Variants in EXT2 observed in about 807,000 individuals in gnomAD.
The protein encoded by EXT2 is exostosin glycosyltransferase 2.
A neutral mutation model predicts 81.6 loss-of-function variants in EXT2; 53 were observed. That is an observed-to-expected ratio of 0.65 (90% CI 0.52 to 0.82). EXT2 has a LOEUF of 0.82. Ranked by LOEUF, EXT2 falls within the 40% of genes least tolerant of loss-of-function variation. The pLI is 0.00. For missense variants in EXT2, 774 were observed against 910.2 expected (o/e 0.85, Z 1.93); for synonymous variants, 320 against 340.0 (o/e 0.94, Z 0.65).
rs1321182257 is a variant in EXT2, at chr11:44,251,721, A to G, written c.*7434A>G. 6.6e-6 allele frequency among the ~76,000 whole-genome samples: 1 copy of G among 152,172 alleles called. No homozygotes were observed. The highest frequency in any genetic ancestry group is 1.5e-5 in the Non-Finnish European group (1 of 68,008). On this transcript the variant is annotated 3_prime_UTR_variant, in exon 14 of 14. Transcript: ENST00000533608. ...AATTTTCATTTATGTTTTTAAGTCT[A>G]TTGTCTTAAAAAGATTCTTTTCCCT... is the stretch of plus-strand genomic sequence containing the variant.
intron 8 of EXT2, among the ~76,000 whole-genome samples, chr11:44,176,231 T>C (rs1447233190): frequency 6.6e-6 from 1 of 152,214 alleles, no homozygotes; most frequent in Non-Finnish European, 1.5e-5. Context: ...CTTTATCCTA[T>C]ACTTTTATCT....
chr11:44,240,412 CA>C (rs1956023291), intron 13 of EXT2, among the ~76,000 whole-genome samples: 1 of 152,086 alleles, frequency 6.6e-6, no homozygotes, highest in African/African-American at 2.4e-5. Context: ...AAATAATAGC[CA>C]GGGGTGGTGG....
At chr11:44,205,421 G>C (rs1366309555) in intron 9 of EXT2, among the ~76,000 whole-genome samples, 2 of 152,216 alleles carry the variant, frequency 1.3e-5, no homozygotes, top group East Asian at 3.8e-4. Flanking sequence ...AACTATAACT[G>C]TTGATATTGA....
At chr11:44,147,668 C>T (rs1405380923) in intron 7 of EXT2, among the ~76,000 whole-genome samples, 2 of 151,578 alleles carry the variant, frequency 1.3e-5, no homozygotes, top group African/African-American at 4.8e-5. Context: ...TCACGCCATT[C>T]TCCTGCCTCA....
chr11:44,120,668 C>T (rs150061655), intron 4 of EXT2, among the ~76,000 whole-genome samples: 9 of 152,338 alleles, frequency 5.9e-5, no homozygotes, highest in South Asian at 2.1e-4. Context: ...ACATCTCTTG[C>T]GGGCTATACA....
chr11:44,238,959 C>T (rs759506544), intron 13 of EXT2, among the ~76,000 whole-genome samples: 5 of 152,008 alleles, frequency 3.3e-5, no homozygotes, highest in Non-Finnish European at 7.4e-5. Flanking sequence ...TTTTCGAACA[C>T]GAGACTAGCT....
chr11:44,179,590 T>C lies in EXT2; in HGVS notation c.1305+7848T>C, dbSNP rs148508544. Among the ~76,000 whole-genome samples, 915 of 152,340 alleles carry C rather than the reference T, an allele frequency of 6.0e-3. 9 individuals are homozygous for C. Among genetic ancestry groups the C allele is most frequent in the African/African-American group, 0.02 (835 of 41,570 alleles). On this transcript the variant is annotated intron_variant, in intron 8 of 13. Coordinates refer to ENST00000533608, the MANE Select transcript of EXT2 (RefSeq NM_207122.2). ...CTTATATTAGCACATCAAATTCCCT[T>C]TCCCCTTTTTTCAGGGGCCATTGTA...
chr11:44,216,017 C>CA (rs1955714693), intron 10 of EXT2, among the ~76,000 whole-genome samples: 1 of 152,074 alleles, frequency 6.6e-6, no homozygotes. Context: ...GCTGGGACTA[C>CA]AGGCGCCCGC....
Position 44,153,642 on chromosome 11 carries a change from TA to T in EXT2, c.1174-17968del, listed in dbSNP as rs965747356. The stretch of plus-strand genomic sequence containing the variant: ...TTTTTCATCATTATGATATAAGCAG[TA>T]GGTTTTTTTGTAGATATTCTTTATC... On this transcript the variant is annotated intron_variant, in intron 7 of 13. Coordinates refer to ENST00000533608, the MANE Select transcript of EXT2 (RefSeq NM_207122.2). Among the ~76,000 whole-genome samples, 53 of 152,202 alleles carry T rather than the reference TA, an allele frequency of 3.5e-4. 2 individuals are homozygous for T. Among genetic ancestry groups the T allele is most frequent in the African/African-American group, 1.2e-3 (51 of 41,532 alleles).
chr11:44,101,421 G>A (rs1333245549), intron 1 of EXT2, among the ~76,000 whole-genome samples: 1 of 152,196 alleles, frequency 6.6e-6, no homozygotes, highest in African/African-American at 2.4e-5. Flanking sequence ...ACTGAGTAGG[G>A]ATGCTATTCA....
chr11:44,235,493 G>A (rs752576981), intron 12 of EXT2, among the ~76,000 whole-genome samples: 4 of 151,770 alleles, frequency 2.6e-5, no homozygotes, highest in Non-Finnish European at 5.9e-5. Context: ...CAGTCCACCC[G>A]CTTCGGCCTC....
At chr11:44,136,950 A>G (rs1158375790) in intron 7 of EXT2, among the ~76,000 whole-genome samples, 1 of 152,094 alleles carries the variant, frequency 6.6e-6, no homozygotes, top group African/African-American at 2.4e-5. Flanking sequence ...TAATGGGTGT[A>G]ATCATTTTGT....
chr11:44,168,252 A>G (rs550104184), intron 7 of EXT2, among the ~76,000 whole-genome samples: 1 of 152,310 alleles, frequency 6.6e-6, no homozygotes, highest in East Asian at 1.9e-4. Flanking sequence ...AAAGGGCTAG[A>G]AGATTATTGA....
rs1565201092 is a variant in EXT2 at position 44,119,127 on chromosome 11, TATATATA to T, written c.743+4827_743+4833del. On this transcript the variant is annotated intron_variant, in intron 4 of 13. Transcript: ENST00000533608. ...CCCCCAGGGGACATTTGGCTATTTA[TATATATA>T]TATATATATATATATATATATATAT... Among the ~76,000 whole-genome samples the T allele has an allele frequency of 2.5e-3, 71 of 28,800 alleles. 3 individuals carry two copies. Among genetic ancestry groups the T allele is most frequent in the African/African-American group, 6.0e-3 (42 of 7,044 alleles). 18.9% of individuals were successfully genotyped at this position (28,800 alleles called of 152,430 possible).
At chr11:44,199,818 T>C (rs903882877) in intron 9 of EXT2, among the ~76,000 whole-genome samples, 7 of 152,338 alleles carry the variant, frequency 4.6e-5, no homozygotes, top group African/African-American at 1.7e-4. Context: ...TCAGTTTTAA[T>C]TTTTGGTAAG....
In EXT2 at chr11:44,126,972, A is replaced by G. The variant is rs766099685; in HGVS notation, c.1079+17A>G. 4.8e-5 allele frequency: 77 copies of G among 1,613,412 alleles called. No homozygotes were observed. Among genetic ancestry groups the G allele is most frequent in the Non-Finnish European group, 5.9e-5 (70 of 1,179,504 alleles). ...CTGGAAGAGGTGGGTAGTACCTCCT[A>G]GTAAACTCTACATTAGTGGTTCTGC... On this transcript the variant is annotated intron_variant, in intron 6 of 13. Transcript: ENST00000533608.
chr11:44,130,864 T>A (rs1257083222), intron 7 of EXT2, among the ~76,000 whole-genome samples: 1 of 152,256 alleles, frequency 6.6e-6, no homozygotes, highest in African/African-American at 2.4e-5. Flanking sequence ...TGGCGGATTC[T>A]CAGCAGTACG....
At chr11:44,163,355 T>C (rs751331723) in intron 7 of EXT2, among the ~76,000 whole-genome samples, 20 of 152,332 alleles carry the variant, frequency 1.3e-4, no homozygotes, top group Non-Finnish European at 2.9e-4. Context: ...AGCTGTCAGA[T>C]GAAGATTATT....
chr11:44,251,411 T>C lies in EXT2; in HGVS notation c.*7124T>C, dbSNP rs553458965. 1.8e-4 allele frequency among the ~76,000 whole-genome samples: 27 copies of C among 152,042 alleles called. No homozygotes were observed. The highest frequency in any genetic ancestry group is 5.8e-4 in the African/African-American group (24 of 41,474). ...TATATGCTGTGTGGAAGTCTGGGGG[T>C]TAGGAAATACCTGGAGGGAGAACTT... On this transcript the variant is annotated 3_prime_UTR_variant, in exon 14 of 14. Coordinates refer to ENST00000533608, the MANE Select transcript of EXT2 (RefSeq NM_207122.2).
Sources: allele counts gnomAD v4.1 joint callset (sites outside exome capture counted in the v4.1 genomes callset), GRCh38; gene constraint gnomAD v4.1.1; transcripts MANE v1.5; gene names NCBI Gene and HGNC (gene_info 2026-07-23, HGNC 2026-07-21).